ADAMTS6: variants seen among roughly 807,000 people sequenced by gnomAD.
The protein encoded by ADAMTS6 is A disintegrin and metalloproteinase with thrombospondin motifs 6.
Under a neutral mutation model 144.3 loss-of-function variants are expected in ADAMTS6, and 23 were observed. The observed-to-expected ratio is 0.16, with a 90% confidence interval of 0.11 to 0.23. The LOEUF (loss-of-function observed/expected upper bound fraction) is 0.23, where lower values mean the gene tolerates loss of function less well. Among genes scored for constraint, ADAMTS6 ranks in the 10% least tolerant of loss-of-function variants. The probability of loss-of-function intolerance (pLI) is 1.00; values close to 1 mark genes in which losing one functional copy is unlikely to be tolerated. For missense variants in ADAMTS6, 999 were observed against 1,379.6 expected (o/e 0.72, Z 4.37); for synonymous variants, 444 against 457.5 (o/e 0.97, Z 0.38).
Position 65,291,436 on chromosome 5 carries a change from G to A in ADAMTS6, c.1405C>T (p.Pro469Ser), listed in dbSNP as rs747439535. The A allele has an allele frequency of 6.2e-7, 1 of 1,613,920 alleles. No homozygotes were observed. Among genetic ancestry groups the A allele is most frequent in the Non-Finnish European group, 8.5e-7 (1 of 1,179,894 alleles). The change falls in exon 11 of 25, where the codon CCC (proline) becomes TCC (serine). Residue 469 changes from proline (P) to serine (S), a missense_variant. Around this residue, in one of 3 missense-constraint regions of ADAMTS6, gnomAD observed 619 missense variants for 837.0 expected, o/e 0.74. Transcript: ENST00000381055. ...GCTGGATAAAGAAAGTCACGCTTGG[G>A]AGGCTCATTATCAAGGCAAGTACCA... ...GRGTCLDNEP[P>S]KRDFLYPAVA...
chr5:65,298,094 T>A (rs1256152341), intron 10 of ADAMTS6, among the ~76,000 whole-genome samples: 1 of 152,132 alleles, frequency 6.6e-6, no homozygotes, highest in Non-Finnish European at 1.5e-5. Context: ...AACCAGTGGG[T>A]GATTTTTAAA....
intron 7 of ADAMTS6, among the ~76,000 whole-genome samples, chr5:65,343,222 C>A (rs1748017536): frequency 6.6e-6 from 1 of 151,892 alleles, no homozygotes; most frequent in African/African-American, 2.4e-5. Flanking sequence ...CCACAAAAGA[C>A]CCCGAATAGA....
At chr5:65,286,636 A>G (rs910585651) in intron 11 of ADAMTS6, among the ~76,000 whole-genome samples, 1 of 152,220 alleles carries the variant, frequency 6.6e-6, no homozygotes, top group Non-Finnish European at 1.5e-5. Context: ...ATTAACAGTA[A>G]ATTATGTACT....
intron 15 of ADAMTS6, among the ~76,000 whole-genome samples, chr5:65,232,407 A>C (rs1383339908): frequency 6.6e-6 from 1 of 152,128 alleles, no homozygotes; most frequent in African/African-American, 2.4e-5. Context: ...TTGAAAAGAT[A>C]AACAAAATTG....
chr5:65,434,824 T>C (rs1304760327), intron 7 of ADAMTS6, among the ~76,000 whole-genome samples: 1 of 152,094 alleles, frequency 6.6e-6, no homozygotes, highest in African/African-American at 2.4e-5. Flanking sequence ...GTAGAGCACT[T>C]AGTCAGTGCT....
At chr5:65,391,322 T>C (rs767785353) in intron 7 of ADAMTS6, among the ~76,000 whole-genome samples, 2 of 152,044 alleles carry the variant, frequency 1.3e-5, no homozygotes, top group Non-Finnish European at 2.9e-5. Flanking sequence ...AAAATGAAAA[T>C]AGCACAAGGA....
At chr5:65,211,728 C>G (rs10940020) in intron 20 of ADAMTS6, among the ~76,000 whole-genome samples, 21,876 of 152,088 alleles carry the variant, frequency 0.14, 1,657 homozygotes, top group Non-Finnish European at 0.17. Context: ...AAAGCTTTGC[C>G]CCACTCTATA....
chr5:65,282,540 ATGTGTC>A (rs1763063716), intron 11 of ADAMTS6, among the ~76,000 whole-genome samples: 1 of 152,136 alleles, frequency 6.6e-6, no homozygotes, highest in Admixed American at 6.6e-5. Flanking sequence ...TCTCAGCAGA[ATGTGTC>A]TTCTCCCTAC....
intron 21 of ADAMTS6, among the ~76,000 whole-genome samples, chr5:65,192,060 A>C (rs1330416450): frequency 1.3e-5 from 2 of 151,964 alleles, no homozygotes; most frequent in African/African-American, 4.8e-5. Flanking sequence ...ACTCTAATGA[A>C]TTTTTTTCTA....
chr5:65,225,230 A>C (rs1757641307), intron 16 of ADAMTS6, among the ~76,000 whole-genome samples, 183 bp from the exon 17 acceptor site: 2 of 152,232 alleles, frequency 1.3e-5, no homozygotes, highest in African/African-American at 4.8e-5. Flanking sequence ...CTACTACAAA[A>C]ATAACTTTTT....
At chr5:65,154,493 AG>A (rs1480379013) in intron 24 of ADAMTS6, among the ~76,000 whole-genome samples, 1 of 152,154 alleles carries the variant, frequency 6.6e-6, no homozygotes, top group Non-Finnish European at 1.5e-5. Context: ...TGGGATTATG[AG>A]TGTCCCCTGA....
At chr5:65,279,457 C>CTGAGT (rs1420702539) in intron 11 of ADAMTS6, among the ~76,000 whole-genome samples, 11 of 152,132 alleles carry the variant, frequency 7.2e-5, no homozygotes, top group Admixed American at 6.5e-4. Context: ...GCTGGGATTA[C>CTGAGT]AGGCGCCTGC....
At chr5:65,207,542 A>G (rs1756192932) in intron 20 of ADAMTS6, among the ~76,000 whole-genome samples, 1 of 152,220 alleles carries the variant, frequency 6.6e-6, no homozygotes, top group Non-Finnish European at 1.5e-5. Flanking sequence ...GTATAATATT[A>G]AATAAGAGGA....
chr5:65,317,304 A>C (rs1745099187), intron 9 of ADAMTS6, among the ~76,000 whole-genome samples: 1 of 152,218 alleles, frequency 6.6e-6, no homozygotes, highest in Non-Finnish European at 1.5e-5. Context: ...AACAAAAGGG[A>C]TCTAATTGAC....
intron 7 of ADAMTS6, among the ~76,000 whole-genome samples, chr5:65,369,310 T>C (rs1376161568): frequency 6.6e-6 from 1 of 152,156 alleles, no homozygotes; most frequent in African/African-American, 2.4e-5. Context: ...AAGTTTTATG[T>C]AGAGCTGGCT....
rs752748256 is a variant in ADAMTS6 at position 65,334,013 on chromosome 5, A to C, written c.1117+29T>G. 1.3e-4 allele frequency: 175 copies of C among 1,399,402 alleles called. 2 individuals are homozygous for C. The highest frequency in any genetic ancestry group is 7.2e-4 in the South Asian group (41 of 57,332). 86.7% of individuals were successfully genotyped at this position (1,399,402 alleles called of 1,614,324 possible). ...TACCTTTATTAAAAAAAAAAAAAAAAAAAAAAAAAAAAACCAAAAAAAACT... is the reference window on the plus strand; with the variant it reads ...TACCTTTATTAAAAAAAAAAAAAAACAAAAAAAAAAAAACCAAAAAAAACT... On this transcript the variant is annotated intron_variant, in intron 8 of 24. Transcript: ENST00000381055.
intron 7 of ADAMTS6, among the ~76,000 whole-genome samples, chr5:65,349,384 C>G (rs1561451868): frequency 6.6e-6 from 1 of 151,908 alleles, no homozygotes; most frequent in African/African-American, 2.4e-5. Flanking sequence ...AAAATCACCA[C>G]AGCACTTTAA....
chr5:65,338,813 G>A (rs1245890937), intron 7 of ADAMTS6, among the ~76,000 whole-genome samples: 1 of 152,206 alleles, frequency 6.6e-6, no homozygotes, highest in Admixed American at 6.5e-5. Flanking sequence ...GGCTAACCAA[G>A]GAGCTGTGCA....
intron 15 of ADAMTS6, among the ~76,000 whole-genome samples, chr5:65,241,862 G>A (rs1245398969): frequency 6.6e-6 from 1 of 152,092 alleles, no homozygotes; most frequent in Non-Finnish European, 1.5e-5. Context: ...TTTATACCTT[G>A]TTAAACATAA....
Sources: allele counts gnomAD v4.1 joint callset (sites outside exome capture counted in the v4.1 genomes callset), GRCh38; gene constraint gnomAD v4.1.1; regional missense constraint gnomAD v4.1.1; transcripts MANE v1.5; gene names NCBI Gene and HGNC (gene_info 2026-07-23, HGNC 2026-07-21).